The following TMEM62 variants were observed in gnomAD, a reference collection of about 807,000 sequenced individuals.
TMEM62 encodes transmembrane protein 62.
TMEM62 carries 41 observed loss-of-function variants against 70.4 expected under a neutral mutation model. The observed-to-expected ratio is 0.58, with a 90% CI of 0.45 to 0.76. TMEM62 has a LOEUF of 0.76. Ranked by LOEUF, TMEM62 falls within the 30% of genes least tolerant of loss-of-function variation. TMEM62 has a pLI of 0.00. For synonymous variants in TMEM62, 268 were observed against 291.0 expected, an observed-to-expected ratio of 0.92 and a Z score of 0.80; for missense variants, 688 against 788.5, an observed-to-expected ratio of 0.87 and a Z score of 1.53.
At chr15:43,150,170 G>A (rs1414966464) in intron 7 of TMEM62, among the ~76,000 whole-genome samples, 1 of 152,078 alleles carries the variant, frequency 6.6e-6, no homozygotes, top group Admixed American at 6.5e-5. Context: ...ATCTTGGAAG[G>A]TACTTTCTCA....
At chr15:43,146,398 T>G in intron 4 of TMEM62, 95 bp from the exon 5 acceptor site, 1 of 1,204,768 alleles carries the variant, frequency 8.3e-7, no homozygotes, top group South Asian at 1.8e-5. Flanking sequence ...GCAAATCTCG[T>G]TTTCAAAGGA....
Position 43,160,672 on chromosome 15 carries a change from T to C in TMEM62, c.1183-9T>C. On this transcript the variant is annotated splice_polypyrimidine_tract_variant and intron_variant, in intron 9 of 13. Coordinates refer to ENST00000260403, the MANE Select transcript of TMEM62 (RefSeq NM_024956.4). Reference sequence around the variant, plus strand: ...ATGAAAGTTACTTTTCTTCTGTGGTTATTACTAGGATTCTGCTGGAAGAAG... The same window carrying C: ...ATGAAAGTTACTTTTCTTCTGTGGTCATTACTAGGATTCTGCTGGAAGAAG... 1 of 1,499,892 alleles carries C rather than the reference T, an allele frequency of 6.7e-7. No individual in the cohort carries two copies. The highest frequency in any genetic ancestry group is 9.2e-7 in the Non-Finnish European group (1 of 1,085,260). 92.9% of individuals were successfully genotyped at this position (1,499,892 alleles called of 1,614,324 possible).
At chr15:43,136,232 A>T (rs1266345127) in intron 3 of TMEM62, among the ~76,000 whole-genome samples, 2 of 152,164 alleles carry the variant, frequency 1.3e-5, no homozygotes, top group South Asian at 4.1e-4. Context: ...TTACCAGAGG[A>T]TAGGGATTGG....
chr15:43,184,471 C>T lies in TMEM62; in HGVS notation c.1817C>T (p.Pro606Leu). 2 of 1,614,190 alleles carry T rather than the reference C, an allele frequency of 1.2e-6. No individual in the cohort carries two copies. The highest frequency in any genetic ancestry group is 2.2e-5 in the South Asian group (2 of 91,090). The change falls in exon 14 of 14, where the codon CCT (proline) becomes CTT (leucine). Residue 606 changes from proline (P) to leucine (L), a missense_variant. Pro to Leu is a moderately conservative substitution (Grantham distance 98). Transcript: ENST00000260403. ...GGCACCCTAGCTTTTTTATTCTCCCCTTTGCGGACCTGGTTGACACTGCTG... is the reference window on the plus strand; with the variant it reads ...GGCACCCTAGCTTTTTTATTCTCCCTTTTGCGGACCTGGTTGACACTGCTG... ...TYGTLAFLFS[P>L]LRTWLTLLTP...
chr15:43,137,875 C>T (rs1351770165), intron 3 of TMEM62, among the ~76,000 whole-genome samples: 7 of 152,226 alleles, frequency 4.6e-5, no homozygotes, highest in African/African-American at 1.4e-4. Context: ...ATCTGCAACG[C>T]CTCATAGGCT....
intron 1 of TMEM62, 70 bp from the exon 2 acceptor site, chr15:43,134,187 G>A (rs1240483439): frequency 5.8e-6 from 9 of 1,544,992 alleles, no homozygotes; most frequent in Middle Eastern, 1.8e-4. Flanking sequence ...CGAGAGAGCC[G>A]CTGAGCCGCC....
Position 43,181,269 on chromosome 15 carries a change from C to T in TMEM62, c.1575C>T (p.Gly525=). ...TTGTTAATGGACATTTCCTACAAGG[C>T]AGCATAACATTTATAATTGGAATTC... The part of the protein sequence containing the change: ...GIFVNGHFLQ[G]SITFIIGILQ... The change falls in exon 13 of 14, where the codon GGC becomes GGT. Residue 525 remains glycine (G), a synonymous_variant. Coordinates refer to ENST00000260403, the MANE Select transcript of TMEM62 (RefSeq NM_024956.4). The T allele has an allele frequency of 6.2e-7, 1 of 1,612,826 alleles. No homozygotes were observed. Among genetic ancestry groups the T allele is most frequent in the Non-Finnish European group, 8.5e-7 (1 of 1,178,952 alleles).
In TMEM62 at chr15:43,184,864, T is replaced by C. The variant is rs1567256362; in HGVS notation, c.*278T>C. The C allele has an allele frequency of 2.1e-6, 1 of 478,374 alleles. No homozygotes were observed. Among genetic ancestry groups the C allele is most frequent in the African/African-American group, 1.9e-5 (1 of 51,826 alleles). 29.6% of individuals were successfully genotyped at this position (478,374 alleles called of 1,614,324 possible). A position where few individuals can be genotyped will look rare whatever the true frequency, so the allele number is the denominator to read the frequency against. On this transcript the variant is annotated 3_prime_UTR_variant, in exon 14 of 14. Transcript: ENST00000260403. ...GAAGAGAAAACCCTTATCTAGGACA[T>C]CCACAGGGTAGAGGTTGGGTGTGTG...
intron 7 of TMEM62, among the ~76,000 whole-genome samples, chr15:43,150,639 A>G (rs1177731813): frequency 6.6e-6 from 1 of 152,248 alleles, no homozygotes; most frequent in African/African-American, 2.4e-5. Context: ...TATAAATTCA[A>G]TATGAGTCAG....
chr15:43,183,725 C>G (rs750060656), intron 13 of TMEM62, among the ~76,000 whole-genome samples: 1 of 151,630 alleles, frequency 6.6e-6, no homozygotes, highest in African/African-American at 2.4e-5. Context: ...GCCATTGTGT[C>G]CCCAACTTGG....
intron 10 of TMEM62, among the ~76,000 whole-genome samples, chr15:43,167,128 C>G (rs1174528233): frequency 6.6e-6 from 1 of 151,830 alleles, no homozygotes; most frequent in Non-Finnish European, 1.5e-5. Flanking sequence ...AGAGGCGCCC[C>G]TCACCTCCCG....
chr15:43,147,838 C>G (rs1261069667), intron 5 of TMEM62, among the ~76,000 whole-genome samples: 2 of 152,156 alleles, frequency 1.3e-5, no homozygotes, highest in Admixed American at 1.3e-4. Flanking sequence ...AATACAGATT[C>G]CCTTGCCTTG....
intron 10 of TMEM62, among the ~76,000 whole-genome samples, chr15:43,165,992 G>A (rs975100070): frequency 6.6e-6 from 1 of 152,152 alleles, no homozygotes; most frequent in African/African-American, 2.4e-5. Flanking sequence ...GTCAGTGTCT[G>A]GGCCTTGAAG....
chr15:43,173,034 C>T (rs1162393960), intron 11 of TMEM62, among the ~76,000 whole-genome samples: 2 of 151,976 alleles, frequency 1.3e-5, no homozygotes, highest in South Asian at 2.1e-4. Flanking sequence ...TCTAGAGCAC[C>T]GTGGCCAACA....
chr15:43,149,092 C>T lies in TMEM62; in HGVS notation c.807C>T (p.His269=). ...HTLGGLMPVL[H]TRHFQGTLEL... is the part of the protein sequence containing the mutation. Reference sequence around the variant, plus strand: ...TTGGTGGACTGATGCCTGTTTTGCACACTCGTCACTTCCAGGGCACTTTGG... The same window carrying T: ...TTGGTGGACTGATGCCTGTTTTGCATACTCGTCACTTCCAGGGCACTTTGG... Residue 269 remains histidine, a synonymous_variant, in exon 7 of 14, where the codon CAC becomes CAT. Coordinates refer to ENST00000260403, the MANE Select transcript of TMEM62 (RefSeq NM_024956.4). The T allele has an allele frequency of 6.2e-7, 1 of 1,614,052 alleles. No individual in the cohort carries two copies. The highest frequency in any genetic ancestry group is 8.5e-7 in the Non-Finnish European group (1 of 1,179,996).
chr15:43,151,839 A>G lies in TMEM62; in HGVS notation c.916A>G (p.Ile306Val), dbSNP rs1004248276. ...CGACCTCTTTAGCTTTGCAGATTTG[A>G]TCTTTGGGAAGTGGCCTGTGGTTCT... ...DHDLFSFADLIFGKWPVVLIT... is the reference protein window; with the variant it reads ...DHDLFSFADLVFGKWPVVLIT... Residue 306 changes from isoleucine to valine, a missense_variant, in exon 8 of 14, where the codon ATC becomes GTC. By Grantham distance (29) the Ile-to-Val change is conservative. Transcript: ENST00000260403. 1.2e-6 allele frequency: 2 copies of G among 1,613,840 alleles called. No individual in the cohort carries two copies. The highest frequency in any genetic ancestry group is 2.7e-5 in the African/African-American group (2 of 74,880).
intron 10 of TMEM62, among the ~76,000 whole-genome samples, chr15:43,166,862 C>T (rs1177232530): frequency 2.0e-5 from 3 of 152,194 alleles, no homozygotes; most frequent in African/African-American, 7.2e-5. Flanking sequence ...GGTAAGGTCA[C>T]AGATCAACAG....
intron 12 of TMEM62, chr15:43,179,700 G>A (rs2041154165): frequency 6.6e-6 from 1 of 152,092 alleles, no homozygotes; most frequent in African/African-American, 2.4e-5. Flanking sequence ...AGTCAATTAG[G>A]AGTACATTAG....
rs764191177 is a variant in TMEM62, at chr15:43,178,654, A to G, written c.1429A>G (p.Ser477Gly). The stretch of plus-strand genomic sequence containing the variant: ...GACCTCATTTTCTCTTCATGTCTTG[A>G]GCAAAATAAACATCTTCTACTATTC... ...NLTSFSLHVL[S>G]KINIFYYSVL... is the part of the protein sequence containing the mutation. Residue 477 changes from serine to glycine, a missense_variant, in exon 12 of 14, where the codon AGC becomes GGC. Transcript: ENST00000260403. 3 of 1,613,246 alleles carry G rather than the reference A, an allele frequency of 1.9e-6. No homozygotes were observed. Among genetic ancestry groups the G allele is most frequent in the South Asian group, 1.1e-5 (1 of 91,010 alleles).
Sources: gnomAD v4.1 joint callset for allele counts (sites outside exome capture counted in the v4.1 genomes callset) on GRCh38, gnomAD v4.1.1 for gene constraint, MANE v1.5 for transcripts, NCBI Gene and HGNC (gene_info 2026-07-23, HGNC 2026-07-21) for gene names.